Variants in PACSIN2 observed in about 807,000 individuals in gnomAD.
PACSIN2 encodes the protein protein kinase C and casein kinase substrate in neurons 2.
PACSIN2 carries 25 observed loss-of-function variants against 63.8 expected under a neutral mutation model. The ratio of observed to expected loss-of-function variants is 0.39; its 90% CI spans 0.29 to 0.55. PACSIN2 has a LOEUF of 0.55. PACSIN2 is among the 20% of genes least tolerant of loss of function. PACSIN2 has a pLI of 0.62. For missense variants in PACSIN2, 518 were observed against 646.9 expected, an observed-to-expected ratio of 0.80 and a Z score of 2.16; for synonymous variants, 255 against 256.2, an observed-to-expected ratio of 1.00 and a Z score of 0.05.
At chr22:42,990,468 G>A (rs180943157) in intron 1 of PACSIN2, among the ~76,000 whole-genome samples, 19 of 152,274 alleles carry the variant, frequency 1.2e-4, no homozygotes, top group African/African-American at 4.6e-4. Context: ...CAAACAGGTC[G>A]GTCATACCAT....
chr22:42,894,245 C>T (rs916024634), intron 2 of PACSIN2, among the ~76,000 whole-genome samples: 1 of 126,350 alleles, frequency 7.9e-6, no homozygotes, highest in Non-Finnish European at 1.8e-5. Context: ...GAGCTGAAGG[C>T]AATTGTTTTT....
At chr22:43,010,398 A>ATATATATATATTT in intron 1 of PACSIN2, among the ~76,000 whole-genome samples, 3 of 126,392 alleles carry the variant, frequency 2.4e-5, no homozygotes, top group African/African-American at 8.5e-5. Flanking sequence ...ATATATATAT[A>ATATATATATATTT]TTTTTTTTTA....
At chr22:42,928,283 C>G (rs992676987) in intron 1 of PACSIN2, among the ~76,000 whole-genome samples, 1 of 152,168 alleles carries the variant, frequency 6.6e-6, no homozygotes, top group Non-Finnish European at 1.5e-5. Context: ...TGTCTCTTCA[C>G]GTGCTGAATC....
At chr22:42,919,063 G>A (rs544068238) in intron 1 of PACSIN2, among the ~76,000 whole-genome samples, 1 of 152,246 alleles carries the variant, frequency 6.6e-6, no homozygotes, top group African/African-American at 2.4e-5. Context: ...GGGACAAGCT[G>A]CTCTTTAATG....
chr22:42,896,813 C>T (rs1381926716), intron 2 of PACSIN2, among the ~76,000 whole-genome samples: 1 of 152,178 alleles, frequency 6.6e-6, no homozygotes, highest in Non-Finnish European at 1.5e-5. Flanking sequence ...TTATTTTTAG[C>T]CATTCTACTT....
intron 1 of PACSIN2, among the ~76,000 whole-genome samples, chr22:42,941,272 C>T (rs1312581961): frequency 1.3e-5 from 2 of 152,212 alleles, no homozygotes; most frequent in Non-Finnish European, 2.9e-5. Context: ...GAATATACCA[C>T]AATTTGTTTG....
chr22:42,955,844 G>A (rs956243272), intron 1 of PACSIN2, among the ~76,000 whole-genome samples: 2 of 152,136 alleles, frequency 1.3e-5, no homozygotes, highest in South Asian at 2.1e-4. Flanking sequence ...AGTCTACTAC[G>A]CCCTGTGCTA....
intron 1 of PACSIN2, among the ~76,000 whole-genome samples, chr22:42,920,907 A>T (rs1749249586): frequency 6.9e-6 from 1 of 144,414 alleles, no homozygotes; most frequent in African/African-American, 2.6e-5. Context: ...AGCTCAAGTG[A>T]TCCTCCCACC....
intron 1 of PACSIN2, among the ~76,000 whole-genome samples, chr22:42,926,116 T>C (rs1932517436): frequency 6.6e-6 from 1 of 152,226 alleles, no homozygotes; most frequent in Admixed American, 6.5e-5. Flanking sequence ...TGATTTCATC[T>C]GGAAAAGTGA....
intron 2 of PACSIN2, among the ~76,000 whole-genome samples, chr22:42,895,010 A>G (rs1930179455): frequency 6.6e-6 from 1 of 152,216 alleles, no homozygotes; most frequent in African/African-American, 2.4e-5. Context: ...TCCTGTGAGA[A>G]CCAGAATCCT....
chr22:42,958,039 T>C (rs907340144), intron 1 of PACSIN2, among the ~76,000 whole-genome samples: 3 of 152,090 alleles, frequency 2.0e-5, no homozygotes, highest in Admixed American at 6.5e-5. Context: ...AAAAAAGTTA[T>C]TGAATAAAAG....
At chr22:42,972,050 G>C (rs1024432432) in intron 1 of PACSIN2, among the ~76,000 whole-genome samples, 1 of 152,122 alleles carries the variant, frequency 6.6e-6, no homozygotes, top group Non-Finnish European at 1.5e-5. Flanking sequence ...TGACAATGGC[G>C]GTTTTGTCCA....
intron 1 of PACSIN2, among the ~76,000 whole-genome samples, chr22:42,969,867 C>CA (rs1219465345): frequency 1.3e-5 from 2 of 150,872 alleles, no homozygotes; most frequent in Non-Finnish European, 2.9e-5. Flanking sequence ...CCCACCACTG[C>CA]ACTCTAGCCT....
chr22:42,913,316 C>T (rs1931584712), intron 1 of PACSIN2, among the ~76,000 whole-genome samples: 1 of 152,100 alleles, frequency 6.6e-6, no homozygotes. Flanking sequence ...CCCGTCTCTA[C>T]TAAAAATACA....
chr22:42,912,471 T>C (rs1931526187), intron 1 of PACSIN2, among the ~76,000 whole-genome samples: 1 of 151,404 alleles, frequency 6.6e-6, no homozygotes, highest in South Asian at 2.1e-4. Context: ...GGATAAAACG[T>C]GAGTGGAGGT....
chr22:42,911,564 C>CA (rs1199690203), intron 2 of PACSIN2, among the ~76,000 whole-genome samples: 1 of 152,180 alleles, frequency 6.6e-6, no homozygotes, highest in East Asian at 1.9e-4. Flanking sequence ...GCAGATGCTC[C>CA]AGCAAGTTTG....
chr22:43,002,725 G>T (rs1253226339), intron 1 of PACSIN2, among the ~76,000 whole-genome samples: 2 of 152,028 alleles, frequency 1.3e-5, no homozygotes, highest in Non-Finnish European at 1.5e-5. Flanking sequence ...TTACACAGAT[G>T]AAAAAGGATG....
intron 1 of PACSIN2, among the ~76,000 whole-genome samples, chr22:42,958,363 C>A (rs1030874283): frequency 6.6e-6 from 1 of 152,128 alleles, no homozygotes; most frequent in Non-Finnish European, 1.5e-5. Context: ...AAATGAATAA[C>A]AGAATTGTGT....
At chr22:42,885,887 G>C (rs143393089) in intron 5 of PACSIN2, among the ~76,000 whole-genome samples, 4 of 152,150 alleles carry the variant, frequency 2.6e-5, no homozygotes, top group African/African-American at 9.7e-5. Context: ...GCTCCACAGC[G>C]CTGTGGCTAT....
Sources: gnomAD v4.1 joint callset for allele counts (sites outside exome capture counted in the v4.1 genomes callset) on GRCh38, gnomAD v4.1.1 for gene constraint, MANE v1.5 for transcripts, NCBI Gene and HGNC (gene_info 2026-07-23, HGNC 2026-07-21) for gene names.